VTI1A: variants seen among roughly 807,000 people sequenced by gnomAD.
VTI1A encodes the protein vesicle transport through interaction with t-SNAREs 1A, also known as vesicle transport through interaction with t-SNAREs homolog 1A.
A neutral mutation model predicts 34.9 loss-of-function variants in VTI1A; 22 were observed. The ratio of observed to expected loss-of-function variants is 0.63; its 90% CI spans 0.45 to 0.90. The LOEUF (loss-of-function observed/expected upper bound fraction) is 0.90. Ranked by LOEUF, VTI1A falls within the 40% of genes least tolerant of loss-of-function variation. VTI1A has a pLI of 0.00. For missense variants in VTI1A, 268 were observed against 275.6 expected (o/e 0.97, Z 0.20); for synonymous variants, 87 against 97.3 (o/e 0.89, Z 0.62).
chr10:112,543,505 G>A (rs955860637), intron 5 of VTI1A, among the ~76,000 whole-genome samples: 2 of 152,120 alleles, frequency 1.3e-5, no homozygotes, highest in Non-Finnish European at 2.9e-5. Context: ...CATATCCTTT[G>A]CCCACTTTTT....
intron 5 of VTI1A, among the ~76,000 whole-genome samples, chr10:112,582,544 C>T (rs529622195): frequency 9.9e-5 from 15 of 152,216 alleles, no homozygotes; most frequent in African/African-American, 3.4e-4. Context: ...TAGTGGAAAC[C>T]TTTGAGGGCA....
At chr10:112,842,791 C>A in the VTI1A span, among the ~76,000 whole-genome samples, 1 of 152,198 alleles carries the variant, frequency 6.6e-6, no homozygotes, top group East Asian at 1.9e-4. Context: ...CATCTTGCAA[C>A]CAAGTTCTGT....
At chr10:112,735,813 A>G (rs1850429832) in intron 7 of VTI1A, among the ~76,000 whole-genome samples, 3 of 151,964 alleles carry the variant, frequency 2.0e-5, no homozygotes, top group East Asian at 3.9e-4. Flanking sequence ...ATATTCTGTC[A>G]GTCTGGTCAC....
chr10:112,782,328 G>A (rs1355080781), intron 7 of VTI1A, among the ~76,000 whole-genome samples: 2 of 152,238 alleles, frequency 1.3e-5, no homozygotes, highest in East Asian at 3.8e-4. Context: ...CCGACTTGGA[G>A]GCCACACTGG....
intron 5 of VTI1A, among the ~76,000 whole-genome samples, chr10:112,647,676 G>T (rs899423782): frequency 4.6e-5 from 7 of 152,142 alleles, no homozygotes; most frequent in Non-Finnish European, 8.8e-5. Context: ...TTTATGTATA[G>T]ATTTGTTTAT....
At chr10:112,766,418 A>G (rs1423242654) in intron 7 of VTI1A, among the ~76,000 whole-genome samples, 2 of 152,228 alleles carry the variant, frequency 1.3e-5, no homozygotes, top group Non-Finnish European at 2.9e-5. Flanking sequence ...TTAAGTTCCA[A>G]TATAATTTTA....
At chr10:112,447,594 G>A in intron 1 of VTI1A, 127 bp downstream of exon 1, 1 of 1,076,612 alleles carries the variant, frequency 9.3e-7, no homozygotes, top group Non-Finnish European at 1.4e-6. Context: ...GCTGTTCCCA[G>A]GAGGGATACG....
At chr10:112,672,354 A>C (rs1180452256) in intron 7 of VTI1A, among the ~76,000 whole-genome samples, 1 of 152,192 alleles carries the variant, frequency 6.6e-6, no homozygotes, top group Non-Finnish European at 1.5e-5. Flanking sequence ...AAAACAAAGG[A>C]GAAAATTGGT....
At chr10:112,669,089 T>G in intron 7 of VTI1A, 91 bp downstream of exon 7, 1 of 1,458,434 alleles carries the variant, frequency 6.9e-7, no homozygotes, top group Non-Finnish European at 9.5e-7. Context: ...TATTACATGC[T>G]TTTGAGCTTC....
At chr10:112,569,782 C>T (rs1323075778) in intron 5 of VTI1A, among the ~76,000 whole-genome samples, 1 of 152,146 alleles carries the variant, frequency 6.6e-6, no homozygotes, top group African/African-American at 2.4e-5. Context: ...TCGACCAGAT[C>T]AGAATCTCTG....
At chr10:112,625,148 T>C (rs1363324975) in intron 5 of VTI1A, among the ~76,000 whole-genome samples, 1 of 152,204 alleles carries the variant, frequency 6.6e-6, no homozygotes, top group East Asian at 1.9e-4. Flanking sequence ...AATACATATG[T>C]TTAACTTGGG....
At chr10:112,580,650 G>A (rs547169753) in intron 5 of VTI1A, among the ~76,000 whole-genome samples, 2 of 152,142 alleles carry the variant, frequency 1.3e-5, no homozygotes, top group Non-Finnish European at 2.9e-5. Context: ...AGTGACTGTA[G>A]GGTAGTAGGG....
In VTI1A at chr10:112,508,738, G is replaced by A. The variant is rs377242825; in HGVS notation, c.265-18349G>A. Among the ~76,000 whole-genome samples, 18 of 152,134 alleles carry A rather than the reference G, an allele frequency of 1.2e-4. No individual in the cohort carries two copies. The East Asian group carries it at 1.3e-3, about 11-fold the overall frequency. On this transcript the variant is annotated intron_variant, in intron 3 of 7. Transcript: ENST00000393077. ...AAATCATGTGCTGATAATGAAGTGC[G>A]TTATCTTTGAAGTTTTTATGTTTTT...
chr10:112,528,503 GA>G (rs57539061), intron 4 of VTI1A, among the ~76,000 whole-genome samples: 14 of 147,886 alleles, frequency 9.5e-5, no homozygotes, highest in East Asian at 2.0e-4. Context: ...ATAGCTAAAG[GA>G]AAAAAAAAAT....
intron 3 of VTI1A, among the ~76,000 whole-genome samples, chr10:112,490,898 C>T (rs1358878207): frequency 1.3e-5 from 2 of 152,138 alleles, no homozygotes. Flanking sequence ...TTGAGAAAGG[C>T]ACTTAAAATA....
intron 7 of VTI1A, among the ~76,000 whole-genome samples, chr10:112,778,919 A>G (rs1327524021): frequency 6.6e-6 from 1 of 152,216 alleles, no homozygotes; most frequent in East Asian, 1.9e-4. Context: ...GGCACAGGAA[A>G]GAAATATGCA....
intron 7 of VTI1A, among the ~76,000 whole-genome samples, chr10:112,684,833 G>C (rs1848347020): frequency 2.0e-5 from 3 of 152,200 alleles, no homozygotes; most frequent in East Asian, 1.9e-4. Flanking sequence ...TTTCAAGAAA[G>C]GTATATGATT....
chr10:112,510,117 G>A (rs529009227), intron 3 of VTI1A, among the ~76,000 whole-genome samples: 1 of 152,322 alleles, frequency 6.6e-6, no homozygotes. Flanking sequence ...GCCAAATCGA[G>A]TTAAAGTTTA....
At chr10:112,661,395 C>T (rs1347997766) in intron 5 of VTI1A, among the ~76,000 whole-genome samples, 1 of 152,328 alleles carries the variant, frequency 6.6e-6, no homozygotes, top group East Asian at 1.9e-4. Flanking sequence ...AGATTACAGG[C>T]ATGAGCCACG....
Sources: allele counts gnomAD v4.1 joint callset (sites outside exome capture counted in the v4.1 genomes callset), GRCh38; gene constraint gnomAD v4.1.1; transcripts MANE v1.5; gene names NCBI Gene and HGNC (gene_info 2026-07-23, HGNC 2026-07-21).